Variants in AGBL1 observed in about 807,000 individuals in gnomAD.
AGBL1 encodes the protein cytosolic carboxypeptidase 4.
In AGBL1, 130 loss-of-function variants were observed where a neutral mutation model predicts 118.9. That is an observed-to-expected ratio of 1.09 (90% CI 0.95 to 1.26). The LOEUF (loss-of-function observed/expected upper bound fraction) is 1.26. Among genes scored for constraint, AGBL1 ranks in the 50% most tolerant of loss-of-function variants. The pLI is 0.00. For missense variants in AGBL1, 1,584 were observed against 1,298.1 expected, an observed-to-expected ratio of 1.22 and a Z score of -3.38; for synonymous variants, 555 against 478.9, an observed-to-expected ratio of 1.16 and a Z score of -2.08.
chr15:86,391,309 C>T (rs1338064447), intron 17 of AGBL1, among the ~76,000 whole-genome samples: 1 of 152,084 alleles, frequency 6.6e-6, no homozygotes, highest in African/African-American at 2.4e-5. Flanking sequence ...GAAAAATGCA[C>T]AATGCATAAA....
rs375745794 is a variant in AGBL1 at position 86,445,284 on chromosome 15, C to T, written c.2555+47738C>T. ...GAAATCCATAAAGTGTGTGAATGTG[C>T]GATAGCCTTTGGTGCTTACAAAGAT... On this transcript the variant is annotated intron_variant, in intron 18 of 22. Coordinates refer to ENST00000614907, the MANE Select transcript of AGBL1 (RefSeq NM_001386094.1). 3.2e-4 allele frequency among the ~76,000 whole-genome samples: 49 copies of T among 152,296 alleles called. 1 individual carries two copies. In the East Asian group the frequency reaches 4.2e-3, roughly 13 times the overall value.
chr15:86,691,455 A>T (rs1037949831), intron 22 of AGBL1, among the ~76,000 whole-genome samples: 1 of 152,070 alleles, frequency 6.6e-6, no homozygotes, highest in African/African-American at 2.4e-5. Flanking sequence ...GTTTCTCTGC[A>T]TTGGCCAATT....
chr15:86,424,962 CA>C (rs2081846798), intron 18 of AGBL1, among the ~76,000 whole-genome samples: 1 of 152,114 alleles, frequency 6.6e-6, no homozygotes, highest in Admixed American at 6.5e-5. Context: ...TTAGTTCAAC[CA>C]TTGTGGAAGA....
intron 1 of AGBL1, among the ~76,000 whole-genome samples, chr15:86,115,520 T>C (rs1469223443): frequency 1.1e-4 from 17 of 152,182 alleles, no homozygotes; most frequent in Admixed American, 1.1e-3. Context: ...AATGACAATA[T>C]TGTGATTTTT....
chr15:86,739,617 C>G (rs1251037098), intron 22 of AGBL1, among the ~76,000 whole-genome samples: 2 of 151,728 alleles, frequency 1.3e-5, no homozygotes, highest in South Asian at 2.1e-4. Flanking sequence ...CCTCTGCCAA[C>G]TAACTTACTG....
Position 86,863,166 on chromosome 15 carries a change from T to C in AGBL1, c.3159-43921T>C, listed in dbSNP as rs113256643. Among the ~76,000 whole-genome samples, 695 of 152,286 alleles carry C rather than the reference T, an allele frequency of 4.6e-3. 8 individuals are homozygous for C. Among genetic ancestry groups the C allele is most frequent in the African/African-American group, 0.016 (667 of 41,558 alleles). ...TGGATATATGGGTGCTGCATGGTGA[T>C]AGATAATGCCATAGATAAATACTGG... On this transcript the variant is annotated intron_variant, in intron 22 of 22. Transcript: ENST00000614907.
intron 6 of AGBL1, among the ~76,000 whole-genome samples, chr15:86,234,975 A>T (rs567859707): frequency 6.6e-6 from 1 of 152,092 alleles, no homozygotes; most frequent in Non-Finnish European, 1.5e-5. Context: ...TTTTTTCAAG[A>T]AGCTTTTTCT....
chr15:86,173,921 T>C (rs1328512427), intron 5 of AGBL1, among the ~76,000 whole-genome samples: 1 of 152,152 alleles, frequency 6.6e-6, no homozygotes, highest in Admixed American at 6.6e-5. Flanking sequence ...GCTTCGGCTA[T>C]TTTGGGTGTT....
rs143696697 is a variant in AGBL1 at position 86,695,702 on chromosome 15, T to C, written c.3158+21266T>C. ...ATGACCTTAGATTGCCTATTTGTGC[T>C]TTCTTAGACTTTTTGATGTAGGCAT... is the stretch of plus-strand genomic sequence containing the variant. On this transcript the variant is annotated intron_variant, in intron 22 of 22. Transcript: ENST00000614907. 3.4e-3 allele frequency among the ~76,000 whole-genome samples: 511 copies of C among 152,112 alleles called. 2 individuals carry two copies. The highest frequency in any genetic ancestry group is 0.012 in the African/African-American group (479 of 41,494).
chr15:86,468,435 G>A (rs1468677286), intron 18 of AGBL1, among the ~76,000 whole-genome samples: 1 of 152,138 alleles, frequency 6.6e-6, no homozygotes, highest in Non-Finnish European at 1.5e-5. Context: ...GCTGGAATCT[G>A]CATTCTGGGC....
At chr15:86,398,733 T>C (rs2081402995) in intron 18 of AGBL1, among the ~76,000 whole-genome samples, 1 of 152,102 alleles carries the variant, frequency 6.6e-6, no homozygotes, top group African/African-American at 2.4e-5. Flanking sequence ...AAGAATAGAC[T>C]AGTTTCAAAA....
At chr15:86,347,143 T>G (rs10520622) in intron 17 of AGBL1, among the ~76,000 whole-genome samples, 1 of 152,216 alleles carries the variant, frequency 6.6e-6, no homozygotes, top group Non-Finnish European at 1.5e-5. Flanking sequence ...CTTGCTTTCA[T>G]CTAGGCAAAG....
At chr15:86,436,310 G>A (rs545169863) in intron 18 of AGBL1, among the ~76,000 whole-genome samples, 23 of 151,610 alleles carry the variant, frequency 1.5e-4, no homozygotes, top group Non-Finnish European at 2.2e-4. Context: ...GGGCAGGGCT[G>A]CAACAAATGA....
At chr15:86,356,932 C>A (rs2080731169) in intron 17 of AGBL1, among the ~76,000 whole-genome samples, 1 of 152,206 alleles carries the variant, frequency 6.6e-6, no homozygotes, top group African/African-American at 2.4e-5. Context: ...GATGCAAATA[C>A]TCTCCATTTT....
chr15:86,520,905 T>C (rs1467970640), intron 18 of AGBL1, among the ~76,000 whole-genome samples: 2 of 152,224 alleles, frequency 1.3e-5, no homozygotes, highest in Non-Finnish European at 2.9e-5. Context: ...TTCCTTTCTG[T>C]TGCTATCGGC....
intron 19 of AGBL1, among the ~76,000 whole-genome samples, chr15:86,543,663 A>T (rs1440890752): frequency 6.6e-6 from 1 of 152,214 alleles, no homozygotes; most frequent in Non-Finnish European, 1.5e-5. Flanking sequence ...GAAAGAGTAA[A>T]TATCTGTAGA....
intron 18 of AGBL1, among the ~76,000 whole-genome samples, chr15:86,520,092 C>G (rs1325027062): frequency 6.6e-6 from 1 of 152,060 alleles, no homozygotes; most frequent in African/African-American, 2.4e-5. Flanking sequence ...CTTCCATTCA[C>G]CCTGCATATA....
intron 17 of AGBL1, among the ~76,000 whole-genome samples, chr15:86,388,571 G>T (rs1481012493): frequency 6.6e-6 from 1 of 151,998 alleles, no homozygotes; most frequent in Non-Finnish European, 1.5e-5. Context: ...TCAGTGAGAG[G>T]CAGAACGAGA....
chr15:86,119,655 T>TTGTGTGTG (rs59997626), intron 1 of AGBL1, among the ~76,000 whole-genome samples: 276 of 148,686 alleles, frequency 1.9e-3, no homozygotes, highest in South Asian at 0.011. Flanking sequence ...GAAAAGTAGT[T>TTGTGTGTG]TGTGTGTGTG....
Sources: allele counts gnomAD v4.1 joint callset (sites outside exome capture counted in the v4.1 genomes callset), GRCh38; gene constraint gnomAD v4.1.1; transcripts MANE v1.5; gene names NCBI Gene and HGNC (gene_info 2026-07-23, HGNC 2026-07-21).